The following CAMTA1 variants were observed in gnomAD, a reference collection of about 807,000 sequenced individuals.
The protein encoded by CAMTA1 is calmodulin binding transcription activator 1.
CAMTA1 carries 27 observed loss-of-function variants against 170.9 expected under a neutral mutation model. That is an observed-to-expected ratio of 0.16 (90% CI 0.12 to 0.22). The LOEUF (loss-of-function observed/expected upper bound fraction) is 0.22. Among genes scored for constraint, CAMTA1 ranks in the 10% least tolerant of loss-of-function variants. CAMTA1 has a pLI of 1.00. For synonymous variants in CAMTA1, 833 were observed against 891.5 expected, an observed-to-expected ratio of 0.93 and a Z score of 1.17; for missense variants, 1,619 against 2,217.2, an observed-to-expected ratio of 0.73 and a Z score of 5.42.
At chr1:6,864,612 C>A (rs567203643) in intron 3 of CAMTA1, among the ~76,000 whole-genome samples, 1 of 152,332 alleles carries the variant, frequency 6.6e-6, no homozygotes, top group Non-Finnish European at 1.5e-5. Context: ...CGAGTCCCTT[C>A]AACACTCTCA....
chr1:7,600,459 TG>T (rs2095431407), intron 6 of CAMTA1, among the ~76,000 whole-genome samples: 1 of 151,818 alleles, frequency 6.6e-6, no homozygotes, highest in South Asian at 2.1e-4. Context: ...CCTCATAAAA[TG>T]AGTTAGGGAG....
intron 3 of CAMTA1, among the ~76,000 whole-genome samples, chr1:6,903,777 T>G (rs1203149474): frequency 1.3e-5 from 2 of 152,232 alleles, no homozygotes; most frequent in Admixed American, 6.5e-5. Context: ...GAAACTAATG[T>G]AGCTGGAATT....
At position 7,650,245 on chromosome 1, in the gene CAMTA1, C is replaced by T. The variant is rs143369741; in HGVS notation, c.664+9692C>T. On this transcript the variant is annotated intron_variant, in intron 7 of 22. Transcript: ENST00000303635. ...GTGCAAAGAATTCCCAGCCTGGTAA[C>T]AATGCCGCTTCGCACATCAGGAGAA... Among the ~76,000 whole-genome samples, 923 of 152,320 alleles carry T rather than the reference C, an allele frequency of 6.1e-3. 6 individuals carry two copies. Among genetic ancestry groups the T allele is most frequent in the South Asian group, 0.021 (103 of 4,828 alleles).
chr1:7,354,485 C>T (rs1254234742), intron 5 of CAMTA1, among the ~76,000 whole-genome samples: 1 of 152,200 alleles, frequency 6.6e-6, no homozygotes, highest in Admixed American at 6.5e-5. Context: ...TGTTCATGGG[C>T]ACCTAGGTTG....
intron 7 of CAMTA1, among the ~76,000 whole-genome samples, chr1:7,645,024 G>A (rs1190327064): frequency 6.6e-6 from 1 of 152,202 alleles, no homozygotes; most frequent in Admixed American, 6.5e-5. Flanking sequence ...GTCTCATCCT[G>A]GAAATTCCAG....
rs553718339 is a variant in CAMTA1 at position 7,456,477 on chromosome 1, T to C, written c.439-11353T>C. On this transcript the variant is annotated intron_variant, in intron 5 of 22. Coordinates refer to ENST00000303635, the MANE Select transcript of CAMTA1 (RefSeq NM_015215.4). The surrounding 1 kb of genome is among the most constrained non-coding windows in gnomAD (Gnocchi z 4.9). Reference sequence around the variant, plus strand: ...CAGTACTTTTAGGAAGTATTTGAGATAGCAACAGCACTGATACATTGAAAT... The same window carrying C: ...CAGTACTTTTAGGAAGTATTTGAGACAGCAACAGCACTGATACATTGAAAT... Among the ~76,000 whole-genome samples, 2 of 152,300 alleles carry C rather than the reference T, an allele frequency of 1.3e-5. No individual in the cohort carries two copies. The highest frequency in any genetic ancestry group is 4.1e-4 in the South Asian group (2 of 4,824).
intron 6 of CAMTA1, among the ~76,000 whole-genome samples, chr1:7,541,113 G>A (rs1575897885): frequency 1.3e-5 from 2 of 152,250 alleles, no homozygotes; most frequent in Non-Finnish European, 2.9e-5. Context: ...ACATGGCCCA[G>A]ATTTTATGCC....
At chr1:7,268,321 T>G (rs565159016) in intron 5 of CAMTA1, among the ~76,000 whole-genome samples, 1 of 152,248 alleles carries the variant, frequency 6.6e-6, no homozygotes, top group African/African-American at 2.4e-5. Context: ...TGTCCTTGAT[T>G]CTTTGGCTAA....
At chr1:7,318,065 T>C (rs1439281548) in intron 5 of CAMTA1, among the ~76,000 whole-genome samples, 1 of 150,442 alleles carries the variant, frequency 6.6e-6, no homozygotes, top group Admixed American at 6.6e-5. Context: ...AGAAAGGGGG[T>C]GGGGGAAGAT....
At chr1:7,470,903 G>A (rs1319849598) in intron 6 of CAMTA1, among the ~76,000 whole-genome samples, 3 of 152,278 alleles carry the variant, frequency 2.0e-5, no homozygotes, top group Admixed American at 2.0e-4. Context: ...CAACTAGTCA[G>A]CTCCCAAGGG....
chr1:7,692,208 G>A (rs2096323806), intron 11 of CAMTA1, among the ~76,000 whole-genome samples: 1 of 152,200 alleles, frequency 6.6e-6, no homozygotes, highest in Non-Finnish European at 1.5e-5. Context: ...CCAAAGTGCA[G>A]AAGCTTGACC....
intron 5 of CAMTA1, among the ~76,000 whole-genome samples, chr1:7,452,898 A>G (rs1463930969): frequency 6.6e-6 from 1 of 152,160 alleles, no homozygotes; most frequent in African/African-American, 2.4e-5. Flanking sequence ...GCTGGGTTGT[A>G]TGCTAATCCT....
At chr1:7,437,155 G>A (rs574482595) in intron 5 of CAMTA1, among the ~76,000 whole-genome samples, 2 of 152,226 alleles carry the variant, frequency 1.3e-5, no homozygotes, top group African/African-American at 4.8e-5. Context: ...TATCCTCCCC[G>A]GATGCCTGGA....
At chr1:6,836,886 T>C (rs1382093257) in intron 3 of CAMTA1, among the ~76,000 whole-genome samples, 1 of 151,740 alleles carries the variant, frequency 6.6e-6, no homozygotes, top group Non-Finnish European at 1.5e-5. Flanking sequence ...CCAAGCCTCT[T>C]GAGGAAAGAG....
chr1:6,913,532 A>G (rs544671561), intron 3 of CAMTA1, among the ~76,000 whole-genome samples: 1 of 152,160 alleles, frequency 6.6e-6, no homozygotes, highest in African/African-American at 2.4e-5. Context: ...CCCTGCCCCC[A>G]GCTTCCTCCT....
Position 7,663,736 on chromosome 1 carries a change from G to A in CAMTA1, c.1189G>A (p.Ala397Thr), listed in dbSNP as rs143855619. The change falls in exon 9 of 23, where the codon GCC becomes ACC. Residue 397 changes from alanine (A) to threonine (T), a missense_variant. Physicochemically the swap from Ala to Thr is moderately conservative, Grantham distance 58. Transcript: ENST00000303635. ...ASVMGSLSQS[A>T]TVFMSEVTNE... ...TGTGATGGGGAGCTTGTCCCAGAGC[G>A]CCACGGTGTTCATGTCAGAGGTCAC... The A allele has an allele frequency of 2.7e-5, 43 of 1,613,772 alleles. No individual in the cohort carries two copies. The highest frequency in any genetic ancestry group is 1.0e-4 in the Admixed American group (6 of 59,996).
intron 5 of CAMTA1, among the ~76,000 whole-genome samples, chr1:7,259,219 T>G (rs1667836712): frequency 6.6e-6 from 1 of 152,188 alleles, no homozygotes; most frequent in Non-Finnish European, 1.5e-5. Context: ...GGTGATTTCA[T>G]GAAAGAGCGC....
intron 3 of CAMTA1, among the ~76,000 whole-genome samples, chr1:6,982,804 C>T (rs1020873248): frequency 1.4e-5 from 2 of 141,254 alleles, no homozygotes; most frequent in South Asian, 5.3e-4. Flanking sequence ...AGGTGCTGGC[C>T]GTAGAGGGGT....
chr1:6,962,302 C>T (rs985046025), intron 3 of CAMTA1, among the ~76,000 whole-genome samples: 2 of 152,140 alleles, frequency 1.3e-5, no homozygotes, highest in African/African-American at 4.8e-5. Flanking sequence ...TGCTGGGAGG[C>T]TGGTCCCTGG....
Sources: gnomAD v4.1 joint callset for allele counts (sites outside exome capture counted in the v4.1 genomes callset) on GRCh38, gnomAD v4.1.1 for gene constraint, Gnocchi (gnomAD v3.1) non-coding constraint, MANE v1.5 for transcripts, NCBI Gene and HGNC (gene_info 2026-07-23, HGNC 2026-07-21) for gene names.